ELAVL1: variants seen among roughly 807,000 people sequenced by gnomAD.
ELAVL1 encodes the protein ELAV-like protein 1.
ELAVL1 carries 1 observed loss-of-function variant against 28.4 expected under a neutral mutation model. That is an observed-to-expected ratio of 0.04 (90% CI 0.01 to 0.17). The LOEUF (loss-of-function observed/expected upper bound fraction) is 0.17, where lower values mean the gene tolerates loss of function less well. Among genes scored for constraint, ELAVL1 ranks in the 10% least tolerant of loss-of-function variants. The probability of loss-of-function intolerance (pLI) is 1.00; values close to 1 mark genes in which losing one functional copy is unlikely to be tolerated. For missense variants in ELAVL1, 157 were observed against 447.2 expected (o/e 0.35, Z 5.85); for synonymous variants, 174 against 183.5 (o/e 0.95, Z 0.42).
chr19:7,964,093 G>A (rs968859657), intron 5 of ELAVL1, among the ~76,000 whole-genome samples: 1 of 152,124 alleles, frequency 6.6e-6, no homozygotes, highest in Non-Finnish European at 1.5e-5. Flanking sequence ...GGGTTCCTGC[G>A]GTTCCCCACA....
chr19:7,973,987 T>C (rs1018690209), intron 3 of ELAVL1, 109 bp from the exon 4 acceptor site: 10 of 1,380,974 alleles, frequency 7.2e-6, no homozygotes, highest in Non-Finnish European at 9.9e-6. Context: ...TTAGAAATCA[T>C]GCAGGGAACG....
chr19:7,966,551 C>G (rs1490003756), intron 5 of ELAVL1, among the ~76,000 whole-genome samples: 1 of 152,240 alleles, frequency 6.6e-6, no homozygotes, highest in East Asian at 1.9e-4. Flanking sequence ...TCTAAGAATG[C>G]TGGAAGATCT....
Position 7,963,358 on chromosome 19 carries a change from C to G in ELAVL1, c.*125G>C, listed in dbSNP as rs1309574933. 7 of 1,167,828 alleles carry G rather than the reference C, an allele frequency of 6.0e-6. No individual in the cohort carries two copies. Among genetic ancestry groups the G allele is most frequent in the Middle Eastern group, 2.7e-4 (1 of 3,674 alleles). The allele number at this position is 1,167,828 out of a possible 1,614,324, so 72.3% of individuals were successfully genotyped here. ...ATCCCAGAGTATAAAAACCTTCTCACTTCTCATTCAGACAAAGACAAACAC... is the reference window on the plus strand; with the variant it reads ...ATCCCAGAGTATAAAAACCTTCTCAGTTCTCATTCAGACAAAGACAAACAC... On this transcript the variant is annotated 3_prime_UTR_variant, in exon 6 of 6. Transcript: ENST00000407627. The surrounding 1 kb of genome is among the most constrained non-coding windows in gnomAD (Gnocchi z 4.5).
intron 3 of ELAVL1, 22 bp from the exon 4 acceptor site, chr19:7,973,900 C>G (rs763158396): frequency 6.2e-7 from 1 of 1,613,050 alleles, no homozygotes; most frequent in Admixed American, 1.7e-5. Context: ...AACCACTTTC[C>G]GAGATTAGTA....
At chr19:7,983,458 G>A (rs969573017) in intron 2 of ELAVL1, among the ~76,000 whole-genome samples, 4 of 152,220 alleles carry the variant, frequency 2.6e-5, no homozygotes, top group Admixed American at 2.6e-4. Flanking sequence ...CACCACGGGA[G>A]GGACTCGGGA....
intron 1 of ELAVL1, among the ~76,000 whole-genome samples, chr19:8,001,557 T>C (rs1327238888): frequency 2.6e-5 from 4 of 152,198 alleles, no homozygotes; most frequent in African/African-American, 9.7e-5. Context: ...GACATGAGTC[T>C]GGCCATCGAG....
rs1270979533 is a variant in ELAVL1, at chr19:7,963,832, G to C, written c.657-25C>G. Reference sequence around the variant, plus strand: ...CCTGGCAGACAGAGAGCAAGCGTCAGGCCACGGTCAGCGCAGGCGGCCTGG... The same window carrying C: ...CCTGGCAGACAGAGAGCAAGCGTCACGCCACGGTCAGCGCAGGCGGCCTGG... On this transcript the variant is annotated intron_variant, in intron 5 of 5. Coordinates refer to ENST00000407627, the MANE Select transcript of ELAVL1 (RefSeq NM_001419.3). The surrounding 1 kb of genome is among the most constrained non-coding windows in gnomAD (Gnocchi z 4.5). 4 of 1,607,506 alleles carry C rather than the reference G, an allele frequency of 2.5e-6. No individual in the cohort carries two copies. In the South Asian group the frequency reaches 3.3e-5, roughly 13 times the overall value.
At chr19:7,973,638 A>G in intron 4 of ELAVL1, 87 bp downstream of exon 4, 1 of 1,489,896 alleles carries the variant, frequency 6.7e-7, no homozygotes. Context: ...AATGACATTT[A>G]AAATCAAACG....
Position 7,967,807 on chromosome 19 carries a change from C to T in ELAVL1, c.431-17G>A, listed in dbSNP as rs375213975. ...TGGACAAACCTTTTCAACAAATCAA[C>T]AAAAACGGAGTTAGGGGGAAAAACG... On this transcript the variant is annotated splice_polypyrimidine_tract_variant and intron_variant, in intron 4 of 5. Transcript: ENST00000407627. 36 of 1,604,358 alleles carry T rather than the reference C, an allele frequency of 2.2e-5. No homozygotes were observed. Among genetic ancestry groups the T allele is most frequent in the Non-Finnish European group, 3.0e-5 (35 of 1,174,018 alleles).
chr19:7,998,869 G>A (rs1434744309), intron 1 of ELAVL1, among the ~76,000 whole-genome samples: 5 of 152,118 alleles, frequency 3.3e-5, no homozygotes, highest in Admixed American at 3.3e-4. Flanking sequence ...GCATAATCAC[G>A]GCTCACTGCA....
At chr19:7,998,286 G>A (rs62123130) in intron 1 of ELAVL1, among the ~76,000 whole-genome samples, 253 of 152,284 alleles carry the variant, frequency 1.7e-3, no homozygotes, top group Non-Finnish European at 3.1e-3. Context: ...CTCCCAAGTC[G>A]TAGCCACTTC....
At position 7,967,712 on chromosome 19, in the gene ELAVL1, T is replaced by C; in HGVS notation, c.509A>G (p.His170Arg). 1 of 1,614,220 alleles carries C rather than the reference T, an allele frequency of 6.2e-7. No individual in the cohort carries two copies. Among genetic ancestry groups the C allele is most frequent in the Non-Finnish European group, 8.5e-7 (1 of 1,180,048 alleles). Residue 170 changes from histidine to arginine, a missense_variant, in exon 5 of 6, where the codon CAT becomes CGT. By Grantham distance (29) the His-to-Arg change is conservative. Transcript: ENST00000407627. ...AEEAITSFNG[H>R]KPPGSSEPIT... ...GGGCTCAGAGGAACCTGGGGGTTTA[T>C]GACCATTGAAACTGGTAATTGCCTC...
At chr19:7,974,673 G>A (rs887562766) in intron 3 of ELAVL1, among the ~76,000 whole-genome samples, 20 of 152,292 alleles carry the variant, frequency 1.3e-4, no homozygotes, top group African/African-American at 4.6e-4. Flanking sequence ...AGGAGGCTGG[G>A]ATATGGAGGA....
rs1599672571 is a variant in ELAVL1 at position 7,982,458 on chromosome 19, T to C, written c.173-1272A>G. On this transcript the variant is annotated intron_variant, in intron 2 of 5. Transcript: ENST00000407627. This position sits in a 1 kb window ranked among gnomAD's most constrained non-coding sequence, Gnocchi z 4.3. ...GCTGGGCCAGGGACATCCAGATCCA[T>C]CTCACCGACAGCAAGATTACAAATC... Among the ~76,000 whole-genome samples the C allele has an allele frequency of 6.6e-6, 1 of 152,196 alleles. No individual in the cohort carries two copies. The highest frequency in any genetic ancestry group is 6.5e-5 in the Admixed American group (1 of 15,278).
intron 4 of ELAVL1, 155 bp downstream of exon 4, chr19:7,973,570 C>T: frequency 1.0e-6 from 1 of 968,026 alleles, no homozygotes; most frequent in East Asian, 2.6e-5. Context: ...TCCTCAGCCT[C>T]CTCAAACCAA....
At chr19:8,005,229 C>G (rs1263685205) in intron 1 of ELAVL1, among the ~76,000 whole-genome samples, 1 of 151,904 alleles carries the variant, frequency 6.6e-6, no homozygotes, top group African/African-American at 2.4e-5. Context: ...TGCAGCCCGG[C>G]CCCCCGGCGC....
At chr19:7,983,261 A>AGGACCAGGCCCGTGTGGAGCGAATTG (rs1985512881) in intron 2 of ELAVL1, among the ~76,000 whole-genome samples, 1 of 152,220 alleles carries the variant, frequency 6.6e-6, no homozygotes, top group African/African-American at 2.4e-5. Context: ...CCAAGACCGT[A>AGGACCAGGCCCGTGTGGAGCGAATTG]GGACCAGGCC....
At chr19:7,975,703 T>G (rs1228761501) in intron 3 of ELAVL1, among the ~76,000 whole-genome samples, 1 of 152,206 alleles carries the variant, frequency 6.6e-6, no homozygotes, top group Non-Finnish European at 1.5e-5. Context: ...CCTTGGGACC[T>G]CAAAACGTGA....
intron 3 of ELAVL1, among the ~76,000 whole-genome samples, chr19:7,978,670 C>T (rs575761355): frequency 9.2e-5 from 14 of 152,280 alleles, no homozygotes; most frequent in African/African-American, 2.6e-4. Flanking sequence ...AGGAGTCATT[C>T]TAGTGAGTCA....
Sources: gnomAD v4.1 joint callset for allele counts (sites outside exome capture counted in the v4.1 genomes callset) on GRCh38, gnomAD v4.1.1 for gene constraint, Gnocchi (gnomAD v3.1) non-coding constraint, MANE v1.5 for transcripts, NCBI Gene and HGNC (gene_info 2026-07-23, HGNC 2026-07-21) for gene names.